SMARCAD1: variants seen among roughly 807,000 people sequenced by gnomAD.
SMARCAD1 encodes SWI/SNF-related matrix-associated actin-dependent regulator of chromatin subfamily A containing DEAD/H box 1.
SMARCAD1 carries 25 observed loss-of-function variants against 127.1 expected under a neutral mutation model. The observed-to-expected ratio is 0.20, with a 90% confidence interval of 0.14 to 0.27. The LOEUF is 0.27. Among genes scored for constraint, SMARCAD1 ranks in the 10% least tolerant of loss-of-function variants. The pLI is 1.00. For synonymous variants in SMARCAD1, 400 were observed against 396.9 expected, an observed-to-expected ratio of 1.01 and a Z score of -0.09; for missense variants, 807 against 1,206.0, an observed-to-expected ratio of 0.67 and a Z score of 4.90.
chr4:94,271,691 C>A (rs1290502732), intron 11 of SMARCAD1, among the ~76,000 whole-genome samples: 1 of 152,154 alleles, frequency 6.6e-6, no homozygotes, highest in Non-Finnish European at 1.5e-5. Context: ...AAAATACTTA[C>A]AGAAATTACC....
intron 4 of SMARCAD1, among the ~76,000 whole-genome samples, chr4:94,236,440 C>A (rs564867457): frequency 1.3e-5 from 2 of 151,916 alleles, no homozygotes; most frequent in South Asian, 2.1e-4. Flanking sequence ...AATTAAGAGC[C>A]CCTATCCCAT....
chr4:94,259,764 T>G (rs1750676592), intron 9 of SMARCAD1, among the ~76,000 whole-genome samples: 1 of 152,206 alleles, frequency 6.6e-6, no homozygotes, highest in African/African-American at 2.4e-5. Context: ...TCCATCATAT[T>G]ATTTTGAAGC....
At chr4:94,244,973 A>G (rs1211475777) in intron 6 of SMARCAD1, among the ~76,000 whole-genome samples, 1 of 152,208 alleles carries the variant, frequency 6.6e-6, no homozygotes, top group Non-Finnish European at 1.5e-5. Flanking sequence ...GCAGGGTTGC[A>G]GAAGTGGTTA....
intron 9 of SMARCAD1, among the ~76,000 whole-genome samples, chr4:94,258,668 T>G (rs1199396535): frequency 6.6e-6 from 1 of 152,176 alleles, no homozygotes; most frequent in Non-Finnish European, 1.5e-5. Context: ...ATGAATAACA[T>G]AGTGAAGCTA....
At chr4:94,211,424 C>T (rs1697517483) in intron 2 of SMARCAD1, among the ~76,000 whole-genome samples, 1 of 152,182 alleles carries the variant, frequency 6.6e-6, no homozygotes, top group African/African-American at 2.4e-5. Flanking sequence ...ATTTTAAGGT[C>T]AGGACTGGAG....
At chr4:94,217,937 T>C (rs1406356913) in intron 2 of SMARCAD1, among the ~76,000 whole-genome samples, 1 of 152,202 alleles carries the variant, frequency 6.6e-6, no homozygotes, top group Non-Finnish European at 1.5e-5. Flanking sequence ...AATCTAACAA[T>C]CTGTGTGCTT....
intron 2 of SMARCAD1, among the ~76,000 whole-genome samples, chr4:94,216,039 C>T (rs918374121): frequency 1.1e-4 from 17 of 152,240 alleles, no homozygotes; most frequent in African/African-American, 3.6e-4. Flanking sequence ...ATTCTGGAGG[C>T]TGGGAAGTCC....
Position 94,278,616 on chromosome 4 carries a change from G to A in SMARCAD1, c.2179G>A (p.Val727Ile). Residue 727 changes from valine to isoleucine, a missense_variant and splice_region_variant, in exon 18 of 24, where the codon GTT becomes ATT. Val to Ile is a conservative substitution (Grantham distance 29). This residue lies in a region of SMARCAD1 where 148 missense variants were observed against 313.2 expected (regional missense o/e 0.47). Transcript: ENST00000354268. ...TCTTAAACTGTTTTTTCTGTCTCAG[G>A]TTCTCAAGCAGTTACCCCCCAAGAA... is the stretch of plus-strand genomic sequence containing the variant. ...PFILRRVKEE[V>I]LKQLPPKKDR... 1 of 1,613,706 alleles carries A rather than the reference G, an allele frequency of 6.2e-7. No homozygotes were observed.
chr4:94,240,309 A>G (rs912449028), intron 5 of SMARCAD1, among the ~76,000 whole-genome samples: 1 of 152,214 alleles, frequency 6.6e-6, no homozygotes, highest in Non-Finnish European at 1.5e-5. Context: ...AGTCACGACA[A>G]TATGCAGATT....
chr4:94,263,710 T>A (rs182013143), intron 9 of SMARCAD1, among the ~76,000 whole-genome samples: 2 of 152,006 alleles, frequency 1.3e-5, no homozygotes, highest in Admixed American at 1.3e-4. Context: ...ATTCTTGTCA[T>A]AACTTGGAAA....
At chr4:94,230,189 G>A (rs1453137360) in intron 3 of SMARCAD1, among the ~76,000 whole-genome samples, 1 of 151,666 alleles carries the variant, frequency 6.6e-6, no homozygotes, top group Non-Finnish European at 1.5e-5. Flanking sequence ...ACTCTACAAA[G>A]GATATACTCA....
At chr4:94,243,049 C>T (rs973773329) in intron 6 of SMARCAD1, among the ~76,000 whole-genome samples, 4 of 152,148 alleles carry the variant, frequency 2.6e-5, no homozygotes, top group Non-Finnish European at 5.9e-5. Context: ...ACCTCTGCCT[C>T]CCGGGTTCAA....
At chr4:94,246,787 T>G (rs1039124829) in intron 6 of SMARCAD1, among the ~76,000 whole-genome samples, 3 of 152,186 alleles carry the variant, frequency 2.0e-5, no homozygotes, top group Non-Finnish European at 4.4e-5. Context: ...AGTACTGTAT[T>G]ATTTGAGAGA....
chr4:94,250,919 A>G, intron 8 of SMARCAD1, 86 bp downstream of exon 8: 1 of 1,050,564 alleles, frequency 9.5e-7, no homozygotes, highest in Non-Finnish European at 1.4e-6. Flanking sequence ...AAGAAAAGCT[A>G]TTAGCTGTTA....
chr4:94,233,170 A>G (rs993767580), intron 3 of SMARCAD1, among the ~76,000 whole-genome samples: 5 of 152,216 alleles, frequency 3.3e-5, no homozygotes, highest in Admixed American at 2.0e-4. Flanking sequence ...GTCTGAGTTC[A>G]CTAATGTTAA....
chr4:94,275,012 A>T, intron 14 of SMARCAD1, 47 bp downstream of exon 14: 6 of 1,324,194 alleles, frequency 4.5e-6, no homozygotes, highest in Non-Finnish European at 6.5e-6. Flanking sequence ...TGCAGCCCCC[A>T]AATTTAAAAA....
intron 11 of SMARCAD1, among the ~76,000 whole-genome samples, chr4:94,272,861 C>T (rs923072594): frequency 3.9e-5 from 6 of 151,980 alleles, no homozygotes; most frequent in Non-Finnish European, 8.8e-5. Context: ...GGCTGGAGTG[C>T]AGCGGCGCAC....
In SMARCAD1 at chr4:94,221,940, C is replaced by T. The variant is rs545232435; in HGVS notation, c.191-4179C>T. 2.8e-4 allele frequency among the ~76,000 whole-genome samples: 42 copies of T among 152,272 alleles called. 1 individual carries two copies. In the South Asian group the frequency reaches 4.4e-3, roughly 16 times the overall value. On this transcript the variant is annotated intron_variant, in intron 2 of 23. Transcript: ENST00000354268. ...AAATGATAGGACAAAGGGGATCTGG[C>T]AATGGGCAGCAAACTTTTAGGGGAG...
At position 94,290,805 on chromosome 4, in the gene SMARCAD1, CTT is replaced by C. The variant is rs994303875; in HGVS notation, c.*1272_*1273del. 6.9e-6 allele frequency: 3 copies of C among 432,524 alleles called. No homozygotes were observed. The highest frequency in any genetic ancestry group is 7.1e-5 in the East Asian group (1 of 14,068). The allele number at this position is 432,524 out of a possible 1,614,324, so 26.8% of individuals were successfully genotyped here. A position where few individuals can be genotyped will look rare whatever the true frequency, so the allele number is the denominator to read the frequency against. ...TTATGTAAATATCATTATAAATAAA[CTT>C]ATTTATAAATCAAAGATTTGTTAAT... On this transcript the variant is annotated 3_prime_UTR_variant, in exon 24 of 24. Coordinates refer to ENST00000354268, the MANE Select transcript of SMARCAD1 (RefSeq NM_020159.5).
Sources: gnomAD v4.1 joint callset for allele counts (sites outside exome capture counted in the v4.1 genomes callset) on GRCh38, gnomAD v4.1.1 for gene constraint, gnomAD v4.1.1 regional missense constraint, MANE v1.5 for transcripts, NCBI Gene and HGNC (gene_info 2026-07-23, HGNC 2026-07-21) for gene names.